CAMTA1: variants seen among roughly 807,000 people sequenced by gnomAD.
CAMTA1 encodes calmodulin binding transcription activator 1.
In CAMTA1, 27 loss-of-function variants were observed where a neutral mutation model predicts 170.9. The ratio of observed to expected loss-of-function variants is 0.16; its 90% CI spans 0.12 to 0.22. The LOEUF (loss-of-function observed/expected upper bound fraction) is 0.22, where lower values mean the gene tolerates loss of function less well. Among genes scored for constraint, CAMTA1 ranks in the 10% least tolerant of loss-of-function variants. The pLI, the probability that CAMTA1 is intolerant of heterozygous loss-of-function variation, is 1.00. For missense variants in CAMTA1, 1,619 were observed against 2,217.2 expected (o/e 0.73, Z 5.42); for synonymous variants, 833 against 891.5 (o/e 0.93, Z 1.17).
intron 4 of CAMTA1, among the ~76,000 whole-genome samples, chr1:7,163,231 T>C (rs1259729994): frequency 6.8e-6 from 1 of 147,444 alleles, no homozygotes; most frequent in African/African-American, 2.5e-5. Flanking sequence ...AGAAGAGGTT[T>C]GCAGTGGTGG....
At chr1:7,687,112 G>A (rs373080049) in intron 11 of CAMTA1, among the ~76,000 whole-genome samples, 19 of 152,020 alleles carry the variant, frequency 1.2e-4, no homozygotes, top group East Asian at 5.9e-4. Flanking sequence ...TGCAGATGGC[G>A]TTTAGCGCCC....
chr1:7,520,036 T>A (rs2149961512), intron 6 of CAMTA1, among the ~76,000 whole-genome samples: 1 of 150,066 alleles, frequency 6.7e-6, no homozygotes, highest in South Asian at 2.1e-4. Context: ...CCCAAAAGTC[T>A]TCAGCACAAA....
intron 22 of CAMTA1, among the ~76,000 whole-genome samples, chr1:7,758,769 A>G (rs1372713780): frequency 6.6e-6 from 1 of 152,010 alleles, no homozygotes; most frequent in Non-Finnish European, 1.5e-5. Context: ...CCCCGTCTCT[A>G]CTGAAAATAC....
rs1457314543 is a variant in CAMTA1, at chr1:7,562,895, G to GC, written c.511-77501dup. Among the ~76,000 whole-genome samples, 1 of 152,166 alleles carries GC rather than the reference G, an allele frequency of 6.6e-6. No homozygotes were observed. Among genetic ancestry groups the GC allele is most frequent in the Admixed American group, 6.5e-5 (1 of 15,276 alleles). ...CAGCCAGCTCCGGGACTCTCCCAGG[G>GC]CCCCATGGGCTGTTTAGCCAGAGCT... is the stretch of plus-strand genomic sequence containing the variant. On this transcript the variant is annotated intron_variant, in intron 6 of 22. Transcript: ENST00000303635. This position sits in a 1 kb window ranked among gnomAD's most constrained non-coding sequence, Gnocchi z 4.8.
At chr1:6,856,371 G>A (rs560077092) in intron 3 of CAMTA1, among the ~76,000 whole-genome samples, 16 of 127,564 alleles carry the variant, frequency 1.3e-4, no homozygotes, top group Admixed American at 7.7e-4. Flanking sequence ...TTTATTTAAT[G>A]AATGTTGAGT....
intron 1 of CAMTA1, among the ~76,000 whole-genome samples, chr1:6,787,163 C>G (rs1371229902): frequency 6.6e-6 from 1 of 152,216 alleles, no homozygotes; most frequent in Non-Finnish European, 1.5e-5. Flanking sequence ...GAGCCTGTTA[C>G]TTTGACTTTT....
chr1:6,978,084 G>A (rs180814135), intron 3 of CAMTA1, among the ~76,000 whole-genome samples: 1 of 152,238 alleles, frequency 6.6e-6, no homozygotes, highest in Non-Finnish European at 1.5e-5. Flanking sequence ...TGTGGTGGTG[G>A]TCAGGGCGCT....
intron 4 of CAMTA1, among the ~76,000 whole-genome samples, chr1:7,235,614 G>A (rs144429414): frequency 8.4e-4 from 128 of 152,300 alleles, no homozygotes; most frequent in African/African-American, 2.9e-3. Context: ...GTGACAAAGC[G>A]AGACTTTGTC....
At chr1:7,521,822 C>T (rs2094369336) in intron 6 of CAMTA1, among the ~76,000 whole-genome samples, 1 of 152,206 alleles carries the variant, frequency 6.6e-6, no homozygotes, top group African/African-American at 2.4e-5. Flanking sequence ...GCTGGGATTA[C>T]AGGCGTGAGC....
intron 3 of CAMTA1, among the ~76,000 whole-genome samples, chr1:6,894,167 C>CAGT (rs35415960): frequency 0.065 from 9,872 of 152,236 alleles, 345 homozygotes; most frequent in Middle Eastern, 0.099. Context: ...TTTCAGTACC[C>CAGT]ACCCATCTAC....
intron 6 of CAMTA1, among the ~76,000 whole-genome samples, chr1:7,469,366 C>T (rs954683020): frequency 6.6e-6 from 1 of 152,188 alleles, no homozygotes; most frequent in African/African-American, 2.4e-5. Context: ...CTCCTCTACC[C>T]GATGAAGGGT....
At chr1:6,889,529 C>T (rs537246696) in intron 3 of CAMTA1, among the ~76,000 whole-genome samples, 23 of 152,302 alleles carry the variant, frequency 1.5e-4, no homozygotes, top group South Asian at 1.2e-3. Flanking sequence ...CAAGCTAGGC[C>T]GCAGTGCGCA....
intron 3 of CAMTA1, among the ~76,000 whole-genome samples, chr1:6,973,185 T>C (rs1692836009): frequency 6.6e-6 from 1 of 152,214 alleles, no homozygotes. Flanking sequence ...CAACATGTGT[T>C]GCTATCTTTA....
At chr1:6,794,377 G>A (rs1273502366) in intron 1 of CAMTA1, among the ~76,000 whole-genome samples, 3 of 152,118 alleles carry the variant, frequency 2.0e-5, no homozygotes, top group African/African-American at 7.2e-5. Flanking sequence ...TATTTGTGGT[G>A]GCAACAATGT....
chr1:7,110,595 G>C (rs1320542146), intron 4 of CAMTA1, among the ~76,000 whole-genome samples: 1 of 152,206 alleles, frequency 6.6e-6, no homozygotes, highest in East Asian at 1.9e-4. Context: ...CAACCTGGGA[G>C]GACAGCGTCA....
At chr1:6,831,823 A>G (rs1650297773) in intron 3 of CAMTA1, among the ~76,000 whole-genome samples, 1 of 152,164 alleles carries the variant, frequency 6.6e-6, no homozygotes, top group Admixed American at 6.5e-5. Context: ...GCATTTTTTA[A>G]TGGTAAAAAT....
At chr1:7,246,632 C>T (rs1665831267) in intron 4 of CAMTA1, among the ~76,000 whole-genome samples, 1 of 151,534 alleles carries the variant, frequency 6.6e-6, no homozygotes, top group African/African-American at 2.4e-5. Flanking sequence ...CCACTTCCCT[C>T]CTCCTTCCTC....
In CAMTA1 at chr1:7,732,565, G is replaced by T. The variant is rs1453474580; in HGVS notation, c.3032G>T (p.Gly1011Val). Residue 1011 changes from glycine (G) to valine (V), a missense_variant, in exon 12 of 23, where the codon GGC becomes GTC. Coordinates refer to ENST00000303635, the MANE Select transcript of CAMTA1 (RefSeq NM_015215.4). The surrounding 1 kb of genome is among the most constrained non-coding windows in gnomAD (Gnocchi z 4.1). ...QASGGGSSGG[G>V]SGSGNGGSQA... is the part of the protein sequence containing the mutation. ...AGCGGAGGCGGCAGCAGTGGAGGCG[G>T]CAGCGGGAGCGGGAATGGAGGGAGC... 1 of 1,611,818 alleles carries T rather than the reference G, an allele frequency of 6.2e-7. No homozygotes were observed. Among genetic ancestry groups the T allele is most frequent in the Non-Finnish European group, 8.5e-7 (1 of 1,179,388 alleles).
chr1:7,047,283 G>T (rs919491400), intron 3 of CAMTA1, among the ~76,000 whole-genome samples: 13 of 152,198 alleles, frequency 8.5e-5, no homozygotes, highest in African/African-American at 2.9e-4. Flanking sequence ...CTGACTAAAG[G>T]TTCAGGAGGA....
Sources: gnomAD v4.1 joint callset for allele counts (sites outside exome capture counted in the v4.1 genomes callset) on GRCh38, gnomAD v4.1.1 for gene constraint, Gnocchi (gnomAD v3.1) non-coding constraint, MANE v1.5 for transcripts, NCBI Gene and HGNC (gene_info 2026-07-23, HGNC 2026-07-21) for gene names.